Variants in MIPEP observed in about 807,000 individuals in gnomAD.
MIPEP encodes mitochondrial intermediate peptidase.
A neutral mutation model predicts 90.3 loss-of-function variants in MIPEP; 79 were observed. The observed-to-expected ratio is 0.87, with a 90% confidence interval of 0.73 to 1.05. The LOEUF is 1.05. Ranked by LOEUF, MIPEP falls within the 50% of genes least tolerant of loss-of-function variation. The pLI is 0.00. For synonymous variants in MIPEP, 334 were observed against 315.8 expected (o/e 1.06, Z -0.61); for missense variants, 940 against 905.6 (o/e 1.04, Z -0.49).
chr13:23,847,651 G>C lies in MIPEP; in HGVS notation c.1107-6163C>G, dbSNP rs115207955. 6.5e-3 allele frequency among the ~76,000 whole-genome samples: 991 copies of C among 152,204 alleles called. 10 individuals are homozygous for C. The highest frequency in any genetic ancestry group is 0.022 in the African/African-American group (931 of 41,514). ...AGGCATCAGGAGAGAGTAGGACTGG[G>C]GGAAGTTCGGCAGGAAAAAAATGAG... On this transcript the variant is annotated intron_variant, in intron 10 of 18. Transcript: ENST00000382172.
At chr13:23,733,787 C>G (rs922367850) in intron 18 of MIPEP, among the ~76,000 whole-genome samples, 2 of 152,204 alleles carry the variant, frequency 1.3e-5, no homozygotes, top group Non-Finnish European at 2.9e-5. Context: ...TAATGTCTAT[C>G]TAAATTCTAA....
intron 10 of MIPEP, among the ~76,000 whole-genome samples, chr13:23,856,552 T>C (rs921563911): frequency 6.6e-6 from 1 of 152,186 alleles, no homozygotes; most frequent in Non-Finnish European, 1.5e-5. Flanking sequence ...CAGAACTTTC[T>C]AGGAAGGGGG....
At chr13:23,736,224 G>A (rs1039400791) in intron 18 of MIPEP, among the ~76,000 whole-genome samples, 3 of 152,038 alleles carry the variant, frequency 2.0e-5, no homozygotes, top group African/African-American at 7.2e-5. Flanking sequence ...ACTCAAACAG[G>A]CAATAACTTT....
chr13:23,760,741 A>C (rs550889499), intron 16 of MIPEP, among the ~76,000 whole-genome samples: 1 of 152,248 alleles, frequency 6.6e-6, no homozygotes, highest in Non-Finnish European at 1.5e-5. Context: ...ACACTAAGAC[A>C]TACACAAAGA....
At chr13:23,875,137 A>G (rs1871015702) in intron 4 of MIPEP, among the ~76,000 whole-genome samples, 1 of 151,848 alleles carries the variant, frequency 6.6e-6, no homozygotes, top group Non-Finnish European at 1.5e-5. Context: ...TCTGACTGAC[A>G]ATTATGATTG....
At chr13:23,888,598 G>A (rs1407627814) in intron 1 of MIPEP, 2 of 604,260 alleles carry the variant, frequency 3.3e-6, no homozygotes, top group Non-Finnish European at 4.2e-6. Flanking sequence ...ACAGAGTTTT[G>A]TGTTTTAAAA....
chr13:23,861,245 A>G (rs1870291310), intron 9 of MIPEP, among the ~76,000 whole-genome samples: 1 of 152,210 alleles, frequency 6.6e-6, no homozygotes, highest in African/African-American at 2.4e-5. Context: ...CTATATACAA[A>G]TATCTACAGA....
chr13:23,866,071 T>C (rs1870520261), intron 7 of MIPEP, among the ~76,000 whole-genome samples: 1 of 152,102 alleles, frequency 6.6e-6, no homozygotes, highest in African/African-American at 2.4e-5. Flanking sequence ...ACTAGCCACA[T>C]GAATGCCCGC....
chr13:23,753,238 A>T (rs76864826), intron 18 of MIPEP, among the ~76,000 whole-genome samples: 54,200 of 142,924 alleles, frequency 0.38, 11,681 homozygotes, highest in African/African-American at 0.57. Context: ...AAAAAAAAAA[A>T]AATAATAATA....
intron 17 of MIPEP, among the ~76,000 whole-genome samples, chr13:23,759,697 C>T (rs1952519785): frequency 6.6e-6 from 1 of 152,220 alleles, no homozygotes; most frequent in African/African-American, 2.4e-5. Flanking sequence ...CTCCCAGCCT[C>T]TCCAGTGCCT....
At chr13:23,873,579 T>C (rs1321642009) in intron 5 of MIPEP, among the ~76,000 whole-genome samples, 1 of 152,204 alleles carries the variant, frequency 6.6e-6, no homozygotes, top group Admixed American at 6.5e-5. Flanking sequence ...ACTCAGTTGA[T>C]GTTAAATCAC....
At chr13:23,847,138 A>G (rs994134408) in intron 10 of MIPEP, among the ~76,000 whole-genome samples, 6 of 152,200 alleles carry the variant, frequency 3.9e-5, no homozygotes, top group Non-Finnish European at 8.8e-5. Context: ...TTTTTCACAA[A>G]TATCTGTTAC....
intron 10 of MIPEP, chr13:23,842,210 T>C (rs866441704): frequency 2.0e-5 from 3 of 152,328 alleles, no homozygotes; most frequent in Admixed American, 6.5e-5. Context: ...CTCTAGAATA[T>C]TGTAGGTTCT....
intron 8 of MIPEP, among the ~76,000 whole-genome samples, chr13:23,863,577 T>C (rs186853989): frequency 2.6e-5 from 4 of 152,246 alleles, no homozygotes; most frequent in African/African-American, 9.6e-5. Flanking sequence ...TATCTCATTA[T>C]GTATATGCAA....
In MIPEP at chr13:23,786,743, A is replaced by T. The variant is rs1164399693; in HGVS notation, c.1848+19207T>A. On this transcript the variant is annotated intron_variant, in intron 16 of 18. Coordinates refer to ENST00000382172, the MANE Select transcript of MIPEP (RefSeq NM_005932.4). ...GAGCATCAGATTGGCAAAAATTAAAATCAGCAGTGAGGGTTGTCAAAAGAA... is the reference window on the plus strand; with the variant it reads ...GAGCATCAGATTGGCAAAAATTAAATTCAGCAGTGAGGGTTGTCAAAAGAA... 6.6e-5 allele frequency among the ~76,000 whole-genome samples: 10 copies of T among 152,298 alleles called. 2 individuals are homozygous for T. The highest frequency in any genetic ancestry group is 3.4e-3 in the Middle Eastern group (1 of 294).
chr13:23,825,120 G>A (rs1409133453), intron 14 of MIPEP, among the ~76,000 whole-genome samples: 1 of 152,160 alleles, frequency 6.6e-6, no homozygotes. Flanking sequence ...GAGCAGAAAA[G>A]TCTCAGACAA....
chr13:23,806,214 A>C, intron 15 of MIPEP, 145 bp from the exon 16 acceptor site: 1 of 803,900 alleles, frequency 1.2e-6, no homozygotes, highest in Non-Finnish European at 2.0e-6. Flanking sequence ...CATGGTTTGA[A>C]ATGTATTTCA....
intron 14 of MIPEP, among the ~76,000 whole-genome samples, chr13:23,816,240 C>A (rs1345784197): frequency 1.3e-5 from 2 of 152,136 alleles, no homozygotes; most frequent in Non-Finnish European, 2.9e-5. Context: ...AAATATTTCT[C>A]CGGCCTTGTT....
chr13:23,790,365 C>T (rs1383156041), intron 16 of MIPEP, among the ~76,000 whole-genome samples: 2 of 152,208 alleles, frequency 1.3e-5, no homozygotes, highest in African/African-American at 2.4e-5. Flanking sequence ...CAAAGCTAAT[C>T]TTTCAAATGT....
Sources: gnomAD v4.1 joint callset for allele counts (sites outside exome capture counted in the v4.1 genomes callset) on GRCh38, gnomAD v4.1.1 for gene constraint, MANE v1.5 for transcripts, NCBI Gene and HGNC (gene_info 2026-07-23, HGNC 2026-07-21) for gene names.